The following SGMS1 variants were observed in gnomAD, a reference collection of about 807,000 sequenced individuals.
SGMS1 encodes the protein phosphatidylcholine:ceramide cholinephosphotransferase 1.
A neutral mutation model predicts 46.2 loss-of-function variants in SGMS1; 13 were observed. The observed-to-expected ratio is 0.28, with a 90% CI of 0.18 to 0.45. The LOEUF (loss-of-function observed/expected upper bound fraction) is 0.45, where lower values mean the gene tolerates loss of function less well. Among genes scored for constraint, SGMS1 ranks in the 20% least tolerant of loss-of-function variants. SGMS1 has a pLI of 1.00. For synonymous variants in SGMS1, 203 were observed against 187.8 expected (o/e 1.08, Z -0.66); for missense variants, 324 against 519.9 (o/e 0.62, Z 3.66).
chr10:50,400,517 C>T (rs1236855463), intron 6 of SGMS1, among the ~76,000 whole-genome samples: 2 of 146,946 alleles, frequency 1.4e-5, no homozygotes, highest in African/African-American at 5.1e-5. Context: ...GTGGTATAAT[C>T]ACTGCTCACT....
intron 6 of SGMS1, among the ~76,000 whole-genome samples, chr10:50,400,265 T>C (rs1848913151): frequency 6.6e-6 from 1 of 151,668 alleles, no homozygotes; most frequent in Admixed American, 6.6e-5. Context: ...CTGTGAGACC[T>C]TGAATAAATT....
At chr10:50,505,034 C>T (rs889891597) in intron 3 of SGMS1, among the ~76,000 whole-genome samples, 21 of 152,000 alleles carry the variant, frequency 1.4e-4, no homozygotes, top group African/African-American at 4.8e-4. Context: ...CACGGCAAAA[C>T]CCCATCTCTA....
intron 4 of SGMS1, among the ~76,000 whole-genome samples, chr10:50,464,669 A>G (rs1837308730): frequency 6.6e-6 from 1 of 152,148 alleles, no homozygotes. Context: ...CCTGACTTCA[A>G]GTGATTTGCC....
chr10:50,539,624 G>T (rs1487254598), intron 2 of SGMS1, among the ~76,000 whole-genome samples: 1 of 152,122 alleles, frequency 6.6e-6, no homozygotes, highest in African/African-American at 2.4e-5. Context: ...AGTAAGTTGT[G>T]GGGGCATGAA....
chr10:50,363,229 G>A (rs1213721330), intron 6 of SGMS1, among the ~76,000 whole-genome samples: 1 of 152,284 alleles, frequency 6.6e-6, no homozygotes, highest in East Asian at 1.9e-4. Context: ...CAGAAGAGAA[G>A]AGAACAGAAG....
intron 8 of SGMS1, among the ~76,000 whole-genome samples, chr10:50,315,222 C>A (rs1847320654): frequency 6.6e-6 from 1 of 152,178 alleles, no homozygotes; most frequent in African/African-American, 2.4e-5. Context: ...ACAGGAAACA[C>A]AATGTTTGGT....
chr10:50,342,306 C>G (rs1847833682), intron 7 of SGMS1: 1 of 152,152 alleles, frequency 6.6e-6, no homozygotes, highest in Non-Finnish European at 1.5e-5. Flanking sequence ...CGTCTTCCAC[C>G]AAATTAAATG....
At chr10:50,577,202 C>T (rs898117352) in intron 2 of SGMS1, among the ~76,000 whole-genome samples, 3 of 152,288 alleles carry the variant, frequency 2.0e-5, no homozygotes, top group East Asian at 1.9e-4. Context: ...GAGGCAACAA[C>T]TGTGATGATC....
chr10:50,341,328 G>C (rs780165756), intron 7 of SGMS1: 5 of 455,816 alleles, frequency 1.1e-5, no homozygotes, highest in South Asian at 7.7e-5. Flanking sequence ...ACACTGAAGA[G>C]AGGTCACAGG....
chr10:50,513,482 T>C (rs1837775019), intron 3 of SGMS1, among the ~76,000 whole-genome samples: 1 of 152,122 alleles, frequency 6.6e-6, no homozygotes, highest in African/African-American at 2.4e-5. Flanking sequence ...AAAACTGCCC[T>C]TCCCAACCAG....
At chr10:50,615,419 A>G (rs1269079039) in intron 1 of SGMS1, among the ~76,000 whole-genome samples, 3 of 152,206 alleles carry the variant, frequency 2.0e-5, no homozygotes, top group Non-Finnish European at 2.9e-5. Flanking sequence ...TATAGTCCCC[A>G]CAATAACCCT....
intron 2 of SGMS1, among the ~76,000 whole-genome samples, chr10:50,573,788 A>C (rs570716540): frequency 6.6e-6 from 1 of 152,356 alleles, no homozygotes; most frequent in East Asian, 1.9e-4. Context: ...ATGAAGCTAC[A>C]GTAATGAAAA....
chr10:50,449,046 A>T (rs932942340), intron 5 of SGMS1, among the ~76,000 whole-genome samples: 1 of 152,346 alleles, frequency 6.6e-6, no homozygotes, highest in East Asian at 1.9e-4. Flanking sequence ...TAGGTCTTTA[A>T]ATCTCACATA....
intron 2 of SGMS1, among the ~76,000 whole-genome samples, chr10:50,539,836 T>C (rs1234097140): frequency 6.6e-6 from 1 of 152,186 alleles, no homozygotes; most frequent in Non-Finnish European, 1.5e-5. Context: ...AGAAATCAAC[T>C]TAATTATGAA....
At chr10:50,520,711 G>A (rs962216011) in intron 2 of SGMS1, among the ~76,000 whole-genome samples, 9 of 152,052 alleles carry the variant, frequency 5.9e-5, no homozygotes, top group Non-Finnish European at 1.2e-4. Flanking sequence ...TCATAGATAC[G>A]CCAACAGAGA....
intron 6 of SGMS1, among the ~76,000 whole-genome samples, chr10:50,352,769 T>C (rs1408819314): frequency 1.3e-5 from 2 of 152,002 alleles, no homozygotes; most frequent in African/African-American, 4.8e-5. Context: ...ATTATAATGG[T>C]GTTCTAAATA....
At position 50,486,822 on chromosome 10, in the gene SGMS1, G is replaced by A. The variant is rs560000965; in HGVS notation, c.-497-19890C>T. Among the ~76,000 whole-genome samples, 7 of 152,192 alleles carry A rather than the reference G, an allele frequency of 4.6e-5. No individual in the cohort carries two copies. In the East Asian group the frequency reaches 1.3e-3, roughly 29 times the overall value. ...CCCATTACTGGATATATACCCAAAGGAATATAAATCATTCTATTATAAAGA... is the reference window on the plus strand; with the variant it reads ...CCCATTACTGGATATATACCCAAAGAAATATAAATCATTCTATTATAAAGA... On this transcript the variant is annotated intron_variant, in intron 3 of 10. Coordinates refer to ENST00000361781, the MANE Select transcript of SGMS1 (RefSeq NM_147156.4).
intron 6 of SGMS1, among the ~76,000 whole-genome samples, chr10:50,363,947 A>T (rs1273664442): frequency 6.6e-6 from 1 of 152,152 alleles, no homozygotes; most frequent in Non-Finnish European, 1.5e-5. Context: ...CTTGGAAAAC[A>T]GACTATGAAA....
At position 50,587,629 on chromosome 10, in the gene SGMS1, A is replaced by ATG. The variant is rs1360715847; in HGVS notation, c.-589+2523_-589+2524insCA. On this transcript the variant is annotated intron_variant, in intron 2 of 10. Transcript: ENST00000361781. Reference sequence around the variant, plus strand: ...ACAGAGCAAGACTGCATCTCAAAATATATATGTGTGTGTGTGTGTGTGTGT... The same window carrying ATG: ...ACAGAGCAAGACTGCATCTCAAAATATGTATATGTGTGTGTGTGTGTGTGTGT... Among the ~76,000 whole-genome samples the ATG allele has an allele frequency of 3.8e-4, 30 of 79,014 alleles. No homozygotes were observed. In the South Asian group the frequency reaches 7.9e-3, roughly 21 times the overall value. The allele number at this position is 79,014 out of a possible 152,430, so 51.8% of individuals were successfully genotyped here. A position where few individuals can be genotyped will look rare whatever the true frequency, so the allele number is the denominator to read the frequency against.
Sources: allele counts gnomAD v4.1 joint callset (sites outside exome capture counted in the v4.1 genomes callset), GRCh38; gene constraint gnomAD v4.1.1; transcripts MANE v1.5; gene names NCBI Gene and HGNC (gene_info 2026-07-23, HGNC 2026-07-21).